Variants in MALRD1 observed in about 807,000 individuals in gnomAD.
MALRD1 encodes MAM and LDL-receptor class A domain-containing protein 1.
A neutral mutation model predicts 242.1 loss-of-function variants in MALRD1; 247 were observed. The observed-to-expected ratio is 1.02, with a 90% CI of 0.92 to 1.13. The LOEUF is 1.13. Ranked by LOEUF, MALRD1 falls within the 50% of genes most tolerant of loss-of-function variation. The pLI, the probability that MALRD1 is intolerant of heterozygous loss-of-function variation, is 0.00. For missense variants in MALRD1, 2,989 were observed against 2,533.1 expected, an observed-to-expected ratio of 1.18 and a Z score of -3.86; for synonymous variants, 995 against 866.6, an observed-to-expected ratio of 1.15 and a Z score of -2.60.
chr10:19,710,517 T>C (rs1189213341), intron 38 of MALRD1: 5 of 152,046 alleles, frequency 3.3e-5, no homozygotes, highest in Non-Finnish European at 5.9e-5. Context: ...TATTGAATAA[T>C]GCACACTTCT....
intron 38 of MALRD1, chr10:19,721,659 G>A (rs1564569266): frequency 6.6e-6 from 1 of 152,204 alleles, no homozygotes; most frequent in African/African-American, 2.4e-5. Context: ...TACATAGGAA[G>A]ACCACAGGTC....
chr10:19,185,474 C>T (rs150256893), intron 14 of MALRD1, among the ~76,000 whole-genome samples: 2 of 151,626 alleles, frequency 1.3e-5, no homozygotes, highest in Non-Finnish European at 2.9e-5. Flanking sequence ...AAACCTTAGC[C>T]AAGGTTGAAT....
intron 21 of MALRD1, among the ~76,000 whole-genome samples, chr10:19,293,283 T>C (rs1421636269): frequency 1.3e-5 from 2 of 152,186 alleles, no homozygotes; most frequent in Non-Finnish European, 2.9e-5. Context: ...TATATACATA[T>C]ATTTTTTTGC....
At chr10:19,377,128 T>G (rs1036906621) in intron 26 of MALRD1, among the ~76,000 whole-genome samples, 1 of 152,146 alleles carries the variant, frequency 6.6e-6, no homozygotes, top group African/African-American at 2.4e-5. Flanking sequence ...AAACTATGCA[T>G]AACTGTTGGG....
chr10:19,493,360 C>G (rs1837572362), intron 30 of MALRD1: 1 of 151,992 alleles, frequency 6.6e-6, no homozygotes, highest in Non-Finnish European at 1.5e-5. Flanking sequence ...TTTAAAAAGT[C>G]AAAACAATCA....
At chr10:19,182,026 T>A (rs566145891) in intron 14 of MALRD1, among the ~76,000 whole-genome samples, 41 of 152,152 alleles carry the variant, frequency 2.7e-4, no homozygotes, top group East Asian at 1.9e-3. Context: ...GCAGCAATTT[T>A]TTTTATTTTA....
At chr10:19,143,382 C>T (rs1833616006) in intron 10 of MALRD1, among the ~76,000 whole-genome samples, 1 of 152,326 alleles carries the variant, frequency 6.6e-6, no homozygotes, top group East Asian at 1.9e-4. Flanking sequence ...CCATTTCACA[C>T]CATTGCCTTG....
chr10:19,066,571 G>A (rs1834987001), intron 1 of MALRD1, 148 bp from the exon 2 acceptor site: 1 of 579,260 alleles, frequency 1.7e-6, no homozygotes, highest in East Asian at 3.5e-5. Context: ...AAAAAGCTTT[G>A]CATGAATAAA....
intron 25 of MALRD1, among the ~76,000 whole-genome samples, chr10:19,350,098 C>A (rs926866345): frequency 1.3e-5 from 2 of 151,948 alleles, no homozygotes; most frequent in Non-Finnish European, 2.9e-5. Context: ...ATCGGGTAAG[C>A]AGATTGACCT....
At position 19,104,017 on chromosome 10, in the gene MALRD1, G is replaced by A; in HGVS notation, c.636G>A (p.Gln212=). ...GTCAAATGGCTTCAACGTATGAACA[G>A]GATGAAGTCATTGCTATTGATGATA... ...FEGQMASTYE[Q]DEVIAIDDIS... is the part of the protein sequence containing the mutation. Residue 212 remains glutamine, a synonymous_variant, in exon 5 of 40, where the codon CAG becomes CAA. Transcript: ENST00000454679. 8.1e-7 allele frequency: 1 copy of A among 1,233,806 alleles called. No individual in the cohort carries two copies. The highest frequency in any genetic ancestry group is 1.5e-5 in the African/African-American group (1 of 64,598). The allele number at this position is 1,233,806 out of a possible 1,614,324, so 76.4% of individuals were successfully genotyped here. A position where few individuals can be genotyped will look rare whatever the true frequency, so the allele number is the denominator to read the frequency against.
chr10:19,127,807 A>C (rs74477644), intron 7 of MALRD1, among the ~76,000 whole-genome samples: 1 of 152,096 alleles, frequency 6.6e-6, no homozygotes, highest in African/African-American at 2.4e-5. Flanking sequence ...GATTTTCTAC[A>C]AAAAGTAAAT....
At chr10:19,276,505 C>T (rs1840534917) in intron 19 of MALRD1, among the ~76,000 whole-genome samples, 1 of 152,024 alleles carries the variant, frequency 6.6e-6, no homozygotes, top group Non-Finnish European at 1.5e-5. Context: ...CAGTCCTCAG[C>T]AAATTCCCTC....
At chr10:19,186,425 T>C (rs1031567124) in intron 14 of MALRD1, among the ~76,000 whole-genome samples, 3 of 152,192 alleles carry the variant, frequency 2.0e-5, no homozygotes, top group African/African-American at 7.2e-5. Context: ...TGAAAACTAT[T>C]TCTATAGTCA....
At chr10:19,457,735 A>G (rs980657880) in intron 29 of MALRD1, among the ~76,000 whole-genome samples, 5 of 149,560 alleles carry the variant, frequency 3.3e-5, no homozygotes, top group African/African-American at 9.9e-5. Flanking sequence ...GTTTGGCATT[A>G]TCTAGTTTGC....
intron 12 of MALRD1, among the ~76,000 whole-genome samples, chr10:19,161,680 A>G (rs1588632229): frequency 6.6e-6 from 1 of 152,046 alleles, no homozygotes; most frequent in Non-Finnish European, 1.5e-5. Context: ...ATGATGGACA[A>G]TGTTCCCTAT....
intron 17 of MALRD1, among the ~76,000 whole-genome samples, chr10:19,207,765 G>T (rs1279452924): frequency 1.3e-5 from 2 of 152,144 alleles, no homozygotes; most frequent in Admixed American, 1.3e-4. Context: ...GCCTCCCAAA[G>T]TGCTAGGATT....
chr10:19,408,585 C>T (rs1833135732), intron 28 of MALRD1, among the ~76,000 whole-genome samples: 1 of 151,892 alleles, frequency 6.6e-6, no homozygotes, highest in Admixed American at 6.6e-5. Flanking sequence ...AAAAATTAAA[C>T]AATCCAATTA....
Position 19,387,575 on chromosome 10 carries a change from AG to A in MALRD1, c.4491del (p.Arg1497SerfsTer9). 6.4e-7 allele frequency: 1 copy of A among 1,550,502 alleles called. No individual in the cohort carries two copies. The highest frequency in any genetic ancestry group is 8.7e-7 in the Non-Finnish European group (1 of 1,146,894). On this transcript the variant is annotated frameshift_variant, in exon 27 of 40. Coordinates refer to ENST00000454679, the MANE Select transcript of MALRD1 (RefSeq NM_001142308.3). LOFTEE classifies it high-confidence loss of function. ...GGAATGTCATAATGGAAAATGCTAT[AG>A]GCTGGAACAAAGCTGTAACTTCGTA... ...YRECHNGKCY[R>X]LEQSCNFVDN...
chr10:19,642,650 A>G (rs569213677), intron 36 of MALRD1, among the ~76,000 whole-genome samples: 44 of 152,350 alleles, frequency 2.9e-4, no homozygotes, highest in African/African-American at 1.0e-3. Context: ...TCTGAAAGCA[A>G]CAACAAAAAT....
Sources: gnomAD v4.1 joint callset for allele counts (sites outside exome capture counted in the v4.1 genomes callset) on GRCh38, gnomAD v4.1.1 for gene constraint, MANE v1.5 for transcripts, NCBI Gene and HGNC (gene_info 2026-07-23, HGNC 2026-07-21) for gene names.